Variants in LIPA observed in about 807,000 individuals in gnomAD.
The protein encoded by LIPA is lipase A, lysosomal acid type, also known as lysosomal acid lipase/cholesteryl ester hydrolase.
Under a neutral mutation model 40.6 loss-of-function variants are expected in LIPA, and 26 were observed. That is an observed-to-expected ratio of 0.64 (90% CI 0.47 to 0.89). The LOEUF (loss-of-function observed/expected upper bound fraction) is 0.89. Ranked by LOEUF, LIPA falls within the 40% of genes least tolerant of loss-of-function variation. The probability of loss-of-function intolerance (pLI) is 0.00; values close to 1 mark genes in which losing one functional copy is unlikely to be tolerated. For synonymous variants in LIPA, 188 were observed against 168.4 expected, an observed-to-expected ratio of 1.12 and a Z score of -0.90; for missense variants, 455 against 479.6, an observed-to-expected ratio of 0.95 and a Z score of 0.48.
At chr10:89,218,248 T>G (rs1193101110) in intron 8 of LIPA, among the ~76,000 whole-genome samples, 3 of 152,218 alleles carry the variant, frequency 2.0e-5, no homozygotes, top group East Asian at 3.8e-4. Context: ...CCCTCTCCCT[T>G]ACTAAGTCTA....
intron 2 of LIPA, 83 bp from the exon 3 acceptor site, chr10:89,245,876 C>CT: frequency 1.2e-6 from 1 of 801,544 alleles, no homozygotes; most frequent in Non-Finnish European, 2.3e-6. Flanking sequence ...AGCAGATAAA[C>CT]TATGTTCTCC....
intron 1 of LIPA, among the ~76,000 whole-genome samples, chr10:89,322,734 A>C (rs1843578611): frequency 6.6e-6 from 1 of 152,194 alleles, no homozygotes. Context: ...AGGAGCAGTA[A>C]GATTGCCCCA....
intron 1 of LIPA, among the ~76,000 whole-genome samples, chr10:89,282,088 A>C (rs376454535): frequency 7.9e-5 from 12 of 152,166 alleles, no homozygotes; most frequent in African/African-American, 2.7e-4. Flanking sequence ...GCACAGAACT[A>C]CTGTGACTTT....
At chr10:89,380,583 A>G (rs1176592898) in intron 2 of LIPA, among the ~76,000 whole-genome samples, 5 of 151,998 alleles carry the variant, frequency 3.3e-5, no homozygotes, top group Non-Finnish European at 7.4e-5. Flanking sequence ...ACTGGTGTGC[A>G]TCGCCAGGCC....
chr10:89,307,786 T>A (rs1055947528), intron 1 of LIPA: 2 of 175,828 alleles, frequency 1.1e-5, no homozygotes, highest in Non-Finnish European at 2.5e-5. Context: ...TTGCATCCCA[T>A]AGAGGTTAGT....
chr10:89,232,311 C>G (rs190735512), intron 3 of LIPA, among the ~76,000 whole-genome samples: 131 of 152,288 alleles, frequency 8.6e-4, no homozygotes, highest in African/African-American at 2.9e-3. Flanking sequence ...ACTTTTCACC[C>G]ACCAGGAGTG....
chr10:89,295,897 C>T (rs1843410681), intron 1 of LIPA, among the ~76,000 whole-genome samples: 1 of 152,228 alleles, frequency 6.6e-6, no homozygotes, highest in Admixed American at 6.5e-5. Context: ...AACCCAGCTA[C>T]TAAATCAGCT....
At chr10:89,369,076 G>A (rs1220806519) in intron 2 of LIPA, among the ~76,000 whole-genome samples, 5 of 152,072 alleles carry the variant, frequency 3.3e-5, no homozygotes, top group Admixed American at 6.6e-5. Context: ...CTTTTTCCAT[G>A]GGCAGTGCTG....
At chr10:89,235,868 T>C (rs894353257) in intron 3 of LIPA, among the ~76,000 whole-genome samples, 1 of 152,222 alleles carries the variant, frequency 6.6e-6, no homozygotes, top group Non-Finnish European at 1.5e-5. Context: ...AGTTAATACA[T>C]AGTAAAGCTG....
At chr10:89,378,764 G>A (rs1446892984) in intron 2 of LIPA, among the ~76,000 whole-genome samples, 2 of 152,234 alleles carry the variant, frequency 1.3e-5, no homozygotes, top group Non-Finnish European at 2.9e-5. Context: ...GTAGAGGCAA[G>A]TTTCCTAACT....
chr10:89,238,325 G>A (rs1343096407), intron 3 of LIPA, among the ~76,000 whole-genome samples: 1 of 152,212 alleles, frequency 6.6e-6, no homozygotes, highest in Non-Finnish European at 1.5e-5. Flanking sequence ...AGACATGGGA[G>A]ATGCAGTGCT....
rs113930109 is a variant in LIPA at position 89,288,645 on chromosome 10, G to A, written c.-1-40996C>T. Among the ~76,000 whole-genome samples, 6 of 152,036 alleles carry A rather than the reference G, an allele frequency of 3.9e-5. No individual in the cohort carries two copies. The East Asian group carries it at 7.7e-4, about 20-fold the overall frequency. Reference sequence around the variant, plus strand: ...CTGTTCCTCATCCTGATCACACTTGGTTTATTGATGGCAGTTCCACCAGGC... The same window carrying A: ...CTGTTCCTCATCCTGATCACACTTGATTTATTGATGGCAGTTCCACCAGGC... On this transcript the variant is annotated intron_variant, in intron 1 of 5. Coordinates refer to the LIPA transcript ENST00000282673.
chr10:89,336,595 C>T (rs1843744529), intron 1 of LIPA, among the ~76,000 whole-genome samples: 1 of 152,166 alleles, frequency 6.6e-6, no homozygotes, highest in African/African-American at 2.4e-5. Flanking sequence ...CCTTGTAGAA[C>T]AAAATGCATT....
At chr10:89,383,177 G>GA in intron 2 of LIPA, 1 of 706,104 alleles carries the variant, frequency 1.4e-6, no homozygotes, top group South Asian at 1.9e-5. Context: ...CTAATGACAT[G>GA]ACTGTAGAAC....
At chr10:89,318,320 C>G (rs1843553168) in intron 1 of LIPA, among the ~76,000 whole-genome samples, 1 of 152,056 alleles carries the variant, frequency 6.6e-6, no homozygotes, top group South Asian at 2.1e-4. Context: ...TTCAGGAGAG[C>G]CATCTCATGG....
chr10:89,352,604 A>G (rs1843965622), intron 2 of LIPA, among the ~76,000 whole-genome samples: 1 of 152,068 alleles, frequency 6.6e-6, no homozygotes, highest in African/African-American at 2.4e-5. Context: ...TAACTGCCCA[A>G]GGGTTTTTTC....
intron 2 of LIPA, among the ~76,000 whole-genome samples, chr10:89,371,861 A>C (rs968335856): frequency 6.6e-6 from 1 of 152,212 alleles, no homozygotes; most frequent in Non-Finnish European, 1.5e-5. Flanking sequence ...TTTTGGTTGC[A>C]TGAATACTAT....
At chr10:89,282,746 C>CAGA (rs1843323101) in intron 1 of LIPA, among the ~76,000 whole-genome samples, 5 of 152,218 alleles carry the variant, frequency 3.3e-5, no homozygotes, top group South Asian at 2.1e-4. Context: ...GAAATAGGTG[C>CAGA]TACCACTCTT....
intron 3 of LIPA, among the ~76,000 whole-genome samples, chr10:89,237,442 T>C (rs972076913): frequency 6.7e-6 from 1 of 148,506 alleles, no homozygotes; most frequent in Non-Finnish European, 1.5e-5. Flanking sequence ...GATGAAAGTG[T>C]TCCATTCTAA....
Sources: allele counts gnomAD v4.1 joint callset (sites outside exome capture counted in the v4.1 genomes callset), GRCh38; gene constraint gnomAD v4.1.1; transcripts MANE v1.5; gene names NCBI Gene and HGNC (gene_info 2026-07-23, HGNC 2026-07-21).